Variants in NBEA observed in about 807,000 individuals in gnomAD.
The protein encoded by NBEA is neurobeachin.
Under a neutral mutation model 343.4 loss-of-function variants are expected in NBEA, and 44 were observed. The ratio of observed to expected loss-of-function variants is 0.13; its 90% CI spans 0.10 to 0.16. The LOEUF is 0.16. Among genes scored for constraint, NBEA ranks in the 10% least tolerant of loss-of-function variants. The probability of loss-of-function intolerance (pLI) is 1.00; values close to 1 mark genes in which losing one functional copy is unlikely to be tolerated. For synonymous variants in NBEA, 1,175 were observed against 1,238.7 expected (o/e 0.95, Z 1.08); for missense variants, 2,555 against 3,631.3 (o/e 0.70, Z 7.62).
Position 35,352,907 on chromosome 13 carries a change from A to G in NBEA, c.6179+584A>G, listed in dbSNP as rs865969822. Among the ~76,000 whole-genome samples, 9 of 152,224 alleles carry G rather than the reference A, an allele frequency of 5.9e-5. 1 individual carries two copies. Among genetic ancestry groups the G allele is most frequent in the Middle Eastern group, 3.4e-3 (1 of 294 alleles). On this transcript the variant is annotated intron_variant, in intron 38 of 58. Coordinates refer to ENST00000379939, the MANE Select transcript of NBEA (RefSeq NM_001385012.1). ...GTTCTCCCTAAAGTTTTGTGGACAT[A>G]CAATTATTGTTGTTGTTGTTGTTGT...
rs267603808 is a variant in NBEA at position 35,041,072 on chromosome 13, G to A, written c.434G>A (p.Arg145Gln). 2 of 1,613,130 alleles carry A rather than the reference G, an allele frequency of 1.2e-6. No homozygotes were observed. The highest frequency in any genetic ancestry group is 1.7e-6 in the Non-Finnish European group (2 of 1,179,410). Residue 145 changes from arginine (R) to glutamine (Q), a missense_variant, in exon 2 of 59, where the codon CGA (arginine) becomes CAA (glutamine). Physicochemically the swap from Arg to Gln is conservative, Grantham distance 43. Transcript: ENST00000379939. ...TGGAGCATGTTTACAGCCATTCTAC[G>A]AAAAAGTGTTCGGAATTTACAGACT... Reference protein sequence around the residue: ...EIWSMFTAILRKSVRNLQTST... With the variant: ...EIWSMFTAILQKSVRNLQTST...
At chr13:34,947,824 T>C (rs1370590481) in intron 1 of NBEA, among the ~76,000 whole-genome samples, 1 of 152,200 alleles carries the variant, frequency 6.6e-6, no homozygotes, top group East Asian at 1.9e-4. Context: ...AATAAACTCA[T>C]ATATAAAGTC....
At chr13:34,945,586 T>C (rs2059163148) in intron 1 of NBEA, among the ~76,000 whole-genome samples, 1 of 152,142 alleles carries the variant, frequency 6.6e-6, no homozygotes. Flanking sequence ...TTTTCAGTTT[T>C]AGTTTAACAC....
intron 2 of NBEA, among the ~76,000 whole-genome samples, chr13:35,042,441 C>G (rs2062688296): frequency 1.3e-5 from 2 of 151,570 alleles, no homozygotes; most frequent in South Asian, 4.1e-4. Context: ...ATCATATGAT[C>G]TTTTAATTCT....
chr13:35,098,489 A>T (rs2065449612), intron 11 of NBEA, 84 bp downstream of exon 11: 1 of 944,710 alleles, frequency 1.1e-6, no homozygotes, highest in African/African-American at 1.6e-5. Context: ...CTGTAATTTC[A>T]CTTTCCATTG....
At chr13:35,653,435 A>T (rs2084658797) in intron 53 of NBEA, among the ~76,000 whole-genome samples, 1 of 150,368 alleles carries the variant, frequency 6.7e-6, no homozygotes, top group South Asian at 2.1e-4. Flanking sequence ...GGTTAAACCA[A>T]TTCCCCCACC....
intron 40 of NBEA, among the ~76,000 whole-genome samples, chr13:35,456,300 G>A (rs1490858439): frequency 7.2e-5 from 11 of 151,968 alleles, no homozygotes; most frequent in African/African-American, 2.7e-4. Flanking sequence ...CAAGAGGCAA[G>A]TTAAATGTGT....
chr13:35,546,342 G>C (rs1255390564), intron 41 of NBEA, among the ~76,000 whole-genome samples: 1 of 152,034 alleles, frequency 6.6e-6, no homozygotes, highest in African/African-American at 2.4e-5. Flanking sequence ...GCACACGCCT[G>C]TAGTTCCAGC....
At chr13:34,978,285 T>A (rs189217290) in intron 1 of NBEA, among the ~76,000 whole-genome samples, 3 of 152,290 alleles carry the variant, frequency 2.0e-5, no homozygotes, top group Admixed American at 2.0e-4. Flanking sequence ...TATTTACTGA[T>A]AGGAAGAATT....
At chr13:34,957,044 T>C (rs113140677) in intron 1 of NBEA, among the ~76,000 whole-genome samples, 13 of 144,972 alleles carry the variant, frequency 9.0e-5, no homozygotes, top group African/African-American at 2.5e-4. Context: ...CACATATATA[T>C]ACACACACAC....
At chr13:35,008,319 G>A (rs188740556) in intron 1 of NBEA, among the ~76,000 whole-genome samples, 2 of 152,162 alleles carry the variant, frequency 1.3e-5, no homozygotes, top group African/African-American at 2.4e-5. Flanking sequence ...CAAAATCTAC[G>A]GATGCTCTAA....
Position 35,056,142 on chromosome 13 carries a change from T to G in NBEA, c.1092+13T>G. On this transcript the variant is annotated intron_variant, in intron 7 of 58. Coordinates refer to ENST00000379939, the MANE Select transcript of NBEA (RefSeq NM_001385012.1). Reference sequence around the variant, plus strand: ...TAACACAAATGATGTAAGTCTTTATTTTTCTGTCTGTGTTTTAATTTGTTT... The same window carrying G: ...TAACACAAATGATGTAAGTCTTTATGTTTCTGTCTGTGTTTTAATTTGTTT... 6.4e-7 allele frequency: 1 copy of G among 1,571,666 alleles called. No homozygotes were observed. The highest frequency in any genetic ancestry group is 8.6e-7 in the Non-Finnish European group (1 of 1,158,904).
At chr13:35,053,553 A>C (rs996714610) in intron 6 of NBEA, among the ~76,000 whole-genome samples, 1 of 151,966 alleles carries the variant, frequency 6.6e-6, no homozygotes, top group Admixed American at 6.6e-5. Context: ...CTCTATTCTC[A>C]TAACTGTTTC....
At position 35,110,942 on chromosome 13, in the gene NBEA, C is replaced by T; in HGVS notation, c.1966C>T (p.Pro656Ser). The T allele has an allele frequency of 6.2e-7, 1 of 1,611,578 alleles. No homozygotes were observed. The highest frequency in any genetic ancestry group is 8.5e-7 in the Non-Finnish European group (1 of 1,178,150). The change falls in exon 13 of 59, where the codon CCT (proline) becomes TCT (serine). Residue 656 changes from proline to serine, a missense_variant. Around this residue, in one of 21 missense-constraint regions of NBEA, gnomAD observed 360 missense variants for 519.1 expected, o/e 0.69. Coordinates refer to ENST00000379939, the MANE Select transcript of NBEA (RefSeq NM_001385012.1). ...AAAATATTACTACTGGGTTATTAAT[C>T]CTGCTGACAGTAGTGGCATTACACC... is the stretch of plus-strand genomic sequence containing the variant. ...TLKYYYWVIN[P>S]ADSSGITPKG...
At chr13:35,466,072 C>T (rs2075375055) in intron 40 of NBEA, among the ~76,000 whole-genome samples, 1 of 152,128 alleles carries the variant, frequency 6.6e-6, no homozygotes, top group Non-Finnish European at 1.5e-5. Context: ...GGGCTCCATT[C>T]CTTCCATGTC....
intron 38 of NBEA, among the ~76,000 whole-genome samples, chr13:35,369,897 A>G (rs529963876): frequency 6.6e-5 from 10 of 151,960 alleles, no homozygotes; most frequent in Non-Finnish European, 7.4e-5. Flanking sequence ...AGTAGAAGTG[A>G]TGAAAATAGT....
intron 1 of NBEA, among the ~76,000 whole-genome samples, chr13:35,031,891 T>C (rs113483602): frequency 0.096 from 14,587 of 151,666 alleles, 806 homozygotes; most frequent in South Asian, 0.16. Flanking sequence ...TAAGTGAGAA[T>C]GTGTGGTATT....
intron 1 of NBEA, among the ~76,000 whole-genome samples, chr13:34,995,975 C>G (rs2060927729): frequency 6.6e-6 from 1 of 152,198 alleles, no homozygotes; most frequent in Admixed American, 6.5e-5. Flanking sequence ...AGCTCAGAGC[C>G]TGAGCATTTG....
At chr13:35,372,260 G>A (rs557766059) in intron 38 of NBEA, among the ~76,000 whole-genome samples, 1 of 152,182 alleles carries the variant, frequency 6.6e-6, no homozygotes, top group South Asian at 2.1e-4. Context: ...ATTGGCGGTG[G>A]CTGTGACAGG....
Sources: gnomAD v4.1 joint callset for allele counts (sites outside exome capture counted in the v4.1 genomes callset) on GRCh38, gnomAD v4.1.1 for gene constraint, gnomAD v4.1.1 regional missense constraint, MANE v1.5 for transcripts, NCBI Gene and HGNC (gene_info 2026-07-23, HGNC 2026-07-21) for gene names.